STXBP5L: variants seen among roughly 807,000 people sequenced by gnomAD.
The protein encoded by STXBP5L is syntaxin binding protein 5L, also known as syntaxin-binding protein 5-like.
Under a neutral mutation model 144.5 loss-of-function variants are expected in STXBP5L, and 65 were observed. The ratio of observed to expected loss-of-function variants is 0.45; its 90% CI spans 0.37 to 0.55. The LOEUF (loss-of-function observed/expected upper bound fraction) is 0.55. Ranked by LOEUF, STXBP5L falls within the 20% of genes least tolerant of loss-of-function variation. The pLI is 0.00. For missense variants in STXBP5L, 1,298 were observed against 1,405.5 expected (o/e 0.92, Z 1.22); for synonymous variants, 505 against 469.6 (o/e 1.08, Z -0.97).
intron 19 of STXBP5L, among the ~76,000 whole-genome samples, chr3:121,294,999 A>G (rs1461919739): frequency 2.0e-5 from 3 of 152,202 alleles, no homozygotes; most frequent in African/African-American, 7.2e-5. Flanking sequence ...GTGAGGAAAC[A>G]GCACAACTGA....
At chr3:121,255,302 A>G (rs903233185) in intron 16 of STXBP5L, among the ~76,000 whole-genome samples, 190 bp downstream of exon 16, 1 of 152,102 alleles carries the variant, frequency 6.6e-6, no homozygotes, top group Non-Finnish European at 1.5e-5. Flanking sequence ...CTAAAAGGCC[A>G]AAACAATTCT....
intron 19 of STXBP5L, among the ~76,000 whole-genome samples, chr3:121,285,406 G>A (rs2051197781): frequency 6.6e-6 from 1 of 151,960 alleles, no homozygotes; most frequent in Non-Finnish European, 1.5e-5. Context: ...CTTTTTTAAA[G>A]TTTCAGGAAC....
intron 5 of STXBP5L, among the ~76,000 whole-genome samples, chr3:121,108,289 C>T (rs1302934164): frequency 1.3e-5 from 2 of 152,128 alleles, no homozygotes; most frequent in African/African-American, 4.8e-5. Context: ...TTGTCTTGTG[C>T]TGGTTTTCAA....
chr3:121,203,390 TA>T (rs1171110878), intron 9 of STXBP5L, among the ~76,000 whole-genome samples: 1 of 152,178 alleles, frequency 6.6e-6, no homozygotes, highest in African/African-American at 2.4e-5. Context: ...ACTTTATGCT[TA>T]TCACTCATTT....
rs144334722 is a variant in STXBP5L, at chr3:121,160,622, G to A, written c.877+2995G>A. On this transcript the variant is annotated intron_variant, in intron 9 of 26. Transcript: ENST00000471454. ...TAGGAGGGGGAGTCCTGGAATCAAC[G>A]GATACTGGGAATAACCATAGTTGAG... Among the ~76,000 whole-genome samples the A allele has an allele frequency of 1.8e-3, 274 of 152,140 alleles. 1 individual carries two copies. Among genetic ancestry groups the A allele is most frequent in the African/African-American group, 5.7e-3 (236 of 41,518 alleles).
At chr3:121,261,104 G>A (rs1212056174) in intron 18 of STXBP5L, among the ~76,000 whole-genome samples, 1 of 152,124 alleles carries the variant, frequency 6.6e-6, no homozygotes, top group Non-Finnish European at 1.5e-5. Context: ...AAGACAAGGG[G>A]ACTTCAGAAT....
At chr3:121,215,455 C>T (rs534478005) in intron 10 of STXBP5L, among the ~76,000 whole-genome samples, 4 of 152,290 alleles carry the variant, frequency 2.6e-5, no homozygotes, top group East Asian at 1.9e-4. Context: ...TTCCCCTTCA[C>T]TTATGAAGCT....
intron 20 of STXBP5L, among the ~76,000 whole-genome samples, chr3:121,327,459 C>A (rs1347901378): frequency 6.6e-6 from 1 of 152,190 alleles, no homozygotes; most frequent in South Asian, 2.1e-4. Flanking sequence ...GATCTTTAGG[C>A]CAGAATTTAC....
At chr3:121,293,525 G>C (rs1439755413) in intron 19 of STXBP5L, among the ~76,000 whole-genome samples, 1 of 152,144 alleles carries the variant, frequency 6.6e-6, no homozygotes, top group African/African-American at 2.4e-5. Flanking sequence ...ACGCAAAGAA[G>C]AGCAGGGAAC....
At chr3:120,948,158 T>C (rs1304360160) in intron 2 of STXBP5L, among the ~76,000 whole-genome samples, 3 of 151,706 alleles carry the variant, frequency 2.0e-5, no homozygotes, top group Non-Finnish European at 4.4e-5. Context: ...GGGTGCACAG[T>C]TGTATCTTGT....
chr3:121,135,007 T>G (rs1221858318), intron 7 of STXBP5L, among the ~76,000 whole-genome samples: 5 of 152,208 alleles, frequency 3.3e-5, no homozygotes, highest in Non-Finnish European at 7.3e-5. Context: ...GTTGAACTAG[T>G]TAACAGTCCC....
chr3:121,043,456 A>T (rs1454794709), intron 4 of STXBP5L, among the ~76,000 whole-genome samples: 1 of 149,230 alleles, frequency 6.7e-6, no homozygotes, highest in Admixed American at 6.7e-5. Flanking sequence ...CACGCCTGTA[A>T]TCCTAGCACT....
At position 121,314,705 on chromosome 3, in the gene STXBP5L, A is replaced by G. The variant is rs555272529; in HGVS notation, c.2111-3770A>G. On this transcript the variant is annotated intron_variant, in intron 19 of 26. Transcript: ENST00000471454. Reference sequence around the variant, plus strand: ...CATCAGAGTGAACAGGCAACCTACAAAATGGGAGAAAATTTTTGCAACCTA... The same window carrying G: ...CATCAGAGTGAACAGGCAACCTACAGAATGGGAGAAAATTTTTGCAACCTA... Among the ~76,000 whole-genome samples the G allele has an allele frequency of 2.5e-3, 382 of 152,220 alleles. 3 individuals are homozygous for G. The highest frequency in any genetic ancestry group is 8.6e-3 in the African/African-American group (358 of 41,542).
chr3:121,232,201 CCAAGTTCCCAGT>C (rs2049331999), intron 11 of STXBP5L, among the ~76,000 whole-genome samples: 1 of 152,110 alleles, frequency 6.6e-6, no homozygotes, highest in South Asian at 2.1e-4. Flanking sequence ...CATCCAAGTT[CCAAGTTCCCAGT>C]CAAGTTCCTA....
intron 9 of STXBP5L, among the ~76,000 whole-genome samples, chr3:121,181,248 GGA>G (rs2047140882): frequency 6.7e-6 from 1 of 150,130 alleles, no homozygotes; most frequent in Admixed American, 6.6e-5. Context: ...CCTGGGAGGT[GGA>G]GGTATCAGTT....
chr3:121,204,238 C>CA (rs202229650), intron 9 of STXBP5L, among the ~76,000 whole-genome samples: 2,742 of 149,036 alleles, frequency 0.018, 39 homozygotes, highest in Non-Finnish European at 0.031. Flanking sequence ...GACTCTGTCT[C>CA]AAAAAAAAAG....
At chr3:120,913,218 A>AT (rs954568974) in intron 2 of STXBP5L, among the ~76,000 whole-genome samples, 8 of 151,804 alleles carry the variant, frequency 5.3e-5, no homozygotes, top group East Asian at 1.9e-4. Context: ...AAAGCAAATA[A>AT]TTTTTTTTTC....
intron 5 of STXBP5L, among the ~76,000 whole-genome samples, chr3:121,106,413 C>T (rs112542170): frequency 0.019 from 2,931 of 152,094 alleles, 89 homozygotes; most frequent in African/African-American, 0.066. Flanking sequence ...CCCTCCCAAC[C>T]TCCGCCAACA....
chr3:121,140,769 G>T (rs2045464444), intron 7 of STXBP5L, among the ~76,000 whole-genome samples: 1 of 152,098 alleles, frequency 6.6e-6, no homozygotes, highest in Non-Finnish European at 1.5e-5. Flanking sequence ...GGACATGTTG[G>T]TCAAAGAATA....
Sources: gnomAD v4.1 joint callset for allele counts (sites outside exome capture counted in the v4.1 genomes callset) on GRCh38, gnomAD v4.1.1 for gene constraint, MANE v1.5 for transcripts, NCBI Gene and HGNC (gene_info 2026-07-23, HGNC 2026-07-21) for gene names.